Variants in SLC29A2 observed in about 807,000 individuals in gnomAD.
SLC29A2 encodes solute carrier family 29 member 2, also known as equilibrative nucleoside transporter 2.
SLC29A2 carries 37 observed loss-of-function variants against 48.8 expected under a neutral mutation model. That is an observed-to-expected ratio of 0.76 (90% CI 0.58 to 1.00). The LOEUF (loss-of-function observed/expected upper bound fraction) is 1.00, where lower values mean the gene tolerates loss of function less well. Among genes scored for constraint, SLC29A2 ranks in the 50% least tolerant of loss-of-function variants. SLC29A2 has a pLI of 0.00. For missense variants in SLC29A2, 533 were observed against 578.6 expected, an observed-to-expected ratio of 0.92 and a Z score of 0.81; for synonymous variants, 233 against 261.7, an observed-to-expected ratio of 0.89 and a Z score of 1.06.
chr11:66,366,590 G>T, intron 7 of SLC29A2, 26 bp from the exon 8 acceptor site: 2 of 1,609,952 alleles, frequency 1.2e-6, no homozygotes, highest in Non-Finnish European at 1.7e-6. Flanking sequence ...ACGGGGAAGG[G>T]TCATGCTTGT....
At chr11:66,371,453 C>T in intron 1 of SLC29A2, 110 bp downstream of exon 1, 2 of 1,501,654 alleles carry the variant, frequency 1.3e-6, no homozygotes, top group Non-Finnish European at 1.8e-6. Flanking sequence ...CCGAGGGAGT[C>T]GGCTGATGGG....
rs775287396 is a variant in SLC29A2 at position 66,365,993 on chromosome 11, G to A, written c.1002C>T (p.Phe334=). 1.2e-6 allele frequency: 2 copies of A among 1,614,244 alleles called. No individual in the cohort carries two copies. The highest frequency in any genetic ancestry group is 1.1e-5 in the South Asian group (1 of 91,084). ...GCCAGTCCATGATGTTGAAGAGGAG[G>A]AAGCAGCAGATGGGGTTGAAGAACT... is the stretch of plus-strand genomic sequence containing the variant. ...WSQFFNPICC[F]LLFNIMDWLG... is the part of the protein sequence containing the mutation. The change falls in exon 10 of 12, where the codon TTC becomes TTT. Residue 334 remains phenylalanine (F), a synonymous_variant. Transcript: ENST00000357440.
At chr11:66,367,621 G>T (rs1855779660) in intron 6 of SLC29A2, 73 bp from the exon 7 acceptor site, 1 of 1,560,134 alleles carries the variant, frequency 6.4e-7, no homozygotes, top group Non-Finnish European at 8.8e-7. Context: ...CATACCATTG[G>T]CCTGGAGGCT....
In SLC29A2 at chr11:66,363,312, C is replaced by T; in HGVS notation, c.*124G>A. Reference sequence around the variant, plus strand: ...AGCAGCTCCTGCCCGCTGCTGGCAGCCTCAGGCCCAGGGGCCTCCACCCCG... The same window carrying T: ...AGCAGCTCCTGCCCGCTGCTGGCAGTCTCAGGCCCAGGGGCCTCCACCCCG... On this transcript the variant is annotated 3_prime_UTR_variant, in exon 12 of 12. Transcript: ENST00000357440. 4 of 759,434 alleles carry T rather than the reference C, an allele frequency of 5.3e-6. No individual in the cohort carries two copies. Among genetic ancestry groups the T allele is most frequent in the Non-Finnish European group, 7.0e-6 (3 of 426,236 alleles). 47.0% of individuals were successfully genotyped at this position (759,434 alleles called of 1,614,324 possible). A position where few individuals can be genotyped will look rare whatever the true frequency, so the allele number is the denominator to read the frequency against.
chr11:66,368,666 T>C lies in SLC29A2; in HGVS notation c.421A>G (p.Ser141Gly), dbSNP rs1565221664. The C allele has an allele frequency of 6.3e-7, 1 of 1,597,258 alleles. No individual in the cohort carries two copies. The highest frequency in any genetic ancestry group is 1.1e-5 in the South Asian group (1 of 88,238). Reference protein sequence around the residue: ...MASVCFINSFSAVLQGSLFGQ... With the variant: ...MASVCFINSFGAVLQGSLFGQ... The stretch of plus-strand genomic sequence containing the variant: ...AAGAGGCTGCCCTGTAGGACTGCAC[T>C]GAAGGCTGTGGAGGACAGGGATGGG... The change falls in exon 5 of 12, where the codon AGT becomes GGT. Residue 141 changes from serine to glycine, a missense_variant. By Grantham distance (56) the Ser-to-Gly change is moderately conservative. Coordinates refer to ENST00000357440, the MANE Select transcript of SLC29A2 (RefSeq NM_001532.3).
At chr11:66,368,020 T>C (rs1855810276) in intron 5 of SLC29A2, 151 bp from the exon 6 acceptor site, 1 of 713,588 alleles carries the variant, frequency 1.4e-6, no homozygotes, top group Non-Finnish European at 2.5e-6. Flanking sequence ...GGGAATCTTG[T>C]ACAGGGCCCC....
chr11:66,370,848 G>C (rs1590664713), intron 2 of SLC29A2, among the ~76,000 whole-genome samples: 1 of 114,644 alleles, frequency 8.7e-6, no homozygotes, highest in African/African-American at 3.4e-5. Flanking sequence ...GAAAGAGCCA[G>C]ACTCTGTCTC....
chr11:66,371,751 G>A lies in SLC29A2; in HGVS notation c.-160C>T, dbSNP rs1856060262. 2 of 675,642 alleles carry A rather than the reference G, an allele frequency of 3.0e-6. No homozygotes were observed. The highest frequency in any genetic ancestry group is 1.9e-5 in the African/African-American group (1 of 54,028). The allele number at this position is 675,642 out of a possible 1,614,324, so 41.9% of individuals were successfully genotyped here. A position where few individuals can be genotyped will look rare whatever the true frequency, so the allele number is the denominator to read the frequency against. On this transcript the variant is annotated 5_prime_UTR_variant, in exon 1 of 12. Coordinates refer to ENST00000357440, the MANE Select transcript of SLC29A2 (RefSeq NM_001532.3). ...GCACAGGTAGCCTCGGGCGGATTTC[G>A]GCGTGTCTCGCGCTCCGCAGGCTGG...
Position 66,366,443 on chromosome 11 carries a change from A to G in SLC29A2, c.855T>C (p.Thr285=), listed in dbSNP as rs746910721. 3.0e-5 allele frequency: 48 copies of G among 1,614,068 alleles called. No individual in the cohort carries two copies. The South Asian group carries it at 5.1e-4, about 17-fold the overall frequency. Residue 285 remains threonine (T), a synonymous_variant, in exon 8 of 12, where the codon ACT becomes ACC. Transcript: ENST00000357440. The part of the protein sequence containing the change: ...PQKPGKPSVF[T]VFQKIWLTAL... ...ATCCAAGCCAAACCTTCTGGAAGAC[A>G]GTGAAGACTGAAGGTTTTCCTGGCT...
At chr11:66,365,877 G>T in intron 10 of SLC29A2, 59 bp downstream of exon 10, 2 of 1,498,204 alleles carry the variant, frequency 1.3e-6, no homozygotes, top group Non-Finnish European at 1.9e-6. Context: ...GCTCTTTCAA[G>T]CCCTCGGATC....
At chr11:66,369,556 G>T in intron 2 of SLC29A2, 24 bp from the exon 3 acceptor site, 1 of 1,613,198 alleles carries the variant, frequency 6.2e-7, no homozygotes, top group Non-Finnish European at 8.5e-7. Flanking sequence ...AGGTGGTGGA[G>T]GGTCAGCACC....
In SLC29A2 at chr11:66,365,947, A is replaced by G. The variant is rs767929916; in HGVS notation, c.1048T>C (p.Tyr350His). ...MDWLGRSLTS[Y>H]FLWPDEDSRL... is the part of the protein sequence containing the mutation. ...CCTGGTGTGCTTACCCACAGGAAGT[A>G]AGAGGTCAGGCTCCGTCCCAGCCAG... The change falls in exon 10 of 12, where the codon TAC (tyrosine) becomes CAC (histidine). Residue 350 changes from tyrosine (Y) to histidine (H), a missense_variant. Physicochemically the swap from Tyr to His is moderately conservative, Grantham distance 83 (BLOSUM62 2). Coordinates refer to ENST00000357440, the MANE Select transcript of SLC29A2 (RefSeq NM_001532.3). 1.1e-5 allele frequency: 18 copies of G among 1,613,996 alleles called. No homozygotes were observed. The highest frequency in any genetic ancestry group is 1.4e-5 in the Non-Finnish European group (17 of 1,179,960).
chr11:66,367,847 A>C lies in SLC29A2; in HGVS notation c.573T>G (p.Ser191=). Residue 191 remains serine (S), a synonymous_variant, in exon 6 of 12, where the codon TCT becomes TCG. Transcript: ENST00000357440. ...AGGGCGTGATAAAGTACCCCAGGGC[A>C]GAGGTCTCGGCGTCCACGCCACCTG... ...SMASGVDAET[S]ALGYFITPCV... 6.2e-7 allele frequency: 1 copy of C among 1,614,154 alleles called. No individual in the cohort carries two copies. The highest frequency in any genetic ancestry group is 8.5e-7 in the Non-Finnish European group (1 of 1,179,984).
In SLC29A2 at chr11:66,363,495, G is replaced by A. The variant is rs374066412; in HGVS notation, c.1312C>T (p.Leu438=). The change falls in exon 12 of 12, where the codon CTG becomes TTG. Residue 438 remains leucine (L), a synonymous_variant. Coordinates refer to ENST00000357440, the MANE Select transcript of SLC29A2 (RefSeq NM_001532.3). ...EVAGALMTFF[L]ALGLSCGASL... is the part of the protein sequence containing the mutation. ...GCTCCACAGGAAAGTCCCAGGGCCA[G>A]GAAGAAGGTCATGAGGGCGCCGGCC... 31 of 1,614,196 alleles carry A rather than the reference G, an allele frequency of 1.9e-5. No individual in the cohort carries two copies. Among genetic ancestry groups the A allele is most frequent in the Non-Finnish European group, 2.2e-5 (26 of 1,180,024 alleles).
intron 10 of SLC29A2, 110 bp downstream of exon 10, chr11:66,365,826 G>T: frequency 1.9e-6 from 2 of 1,026,872 alleles, no homozygotes; most frequent in Non-Finnish European, 3.1e-6. Flanking sequence ...GCCAGTGGTT[G>T]CATTACCAGG....
chr11:66,371,016 C>T (rs926084234), intron 2 of SLC29A2, among the ~76,000 whole-genome samples: 1 of 152,170 alleles, frequency 6.6e-6, no homozygotes, highest in African/African-American at 2.4e-5. Flanking sequence ...TTGCTCATTC[C>T]AGACCCTGTG....
rs1215207710 is a variant in SLC29A2 at position 66,364,257 on chromosome 11, G to A, written c.1227C>T (p.Tyr409=). 6.2e-7 allele frequency: 1 copy of A among 1,613,392 alleles called. No homozygotes were observed. Among genetic ancestry groups the A allele is most frequent in the Non-Finnish European group, 8.5e-7 (1 of 1,179,832 alleles). The change falls in exon 11 of 12, where the codon TAC becomes TAT. Residue 409 remains tyrosine, a synonymous_variant. Transcript: ENST00000357440. ...FMLLFAVSNG[Y]LVSLTMCLAP... is the part of the protein sequence containing the mutation. Reference sequence around the variant, plus strand: ...CCAGGCACATGGTGAGGGACACCAGGTAGCCATTAGAAACGGCAAAGAGCA... The same window carrying A: ...CCAGGCACATGGTGAGGGACACCAGATAGCCATTAGAAACGGCAAAGAGCA...
chr11:66,370,837 C>A (rs1236452341), intron 2 of SLC29A2, among the ~76,000 whole-genome samples: 1 of 122,150 alleles, frequency 8.2e-6, no homozygotes, highest in Non-Finnish European at 1.6e-5. Context: ...CCAGCCTGGG[C>A]GAAAGAGCCA....
chr11:66,367,511 T>C lies in SLC29A2; in HGVS notation c.686A>G (p.Gln229Arg). The change falls in exon 7 of 12, where the codon CAG (glutamine) becomes CGG (arginine). Residue 229 changes from glutamine to arginine, a missense_variant. By Grantham distance (43) the Gln-to-Arg change is conservative. Coordinates refer to ENST00000357440, the MANE Select transcript of SLC29A2 (RefSeq NM_001532.3). ...ARYYLANKSS[Q>R]AQAQELETKA... ...GGTCTCCAGCTCCTGAGCTTGGGCC[T>C]GGGATGATTTATTGGCCAGGTAGTA... The C allele has an allele frequency of 6.2e-7, 1 of 1,614,124 alleles. No homozygotes were observed. The highest frequency in any genetic ancestry group is 8.5e-7 in the Non-Finnish European group (1 of 1,180,014).
Sources: gnomAD v4.1 joint callset for allele counts (sites outside exome capture counted in the v4.1 genomes callset) on GRCh38, gnomAD v4.1.1 for gene constraint, MANE v1.5 for transcripts, NCBI Gene and HGNC (gene_info 2026-07-23, HGNC 2026-07-21) for gene names.